Variants in MS4A7 observed in about 807,000 individuals in gnomAD.
MS4A7 encodes membrane-spanning 4-domains subfamily A member 7.
Under a neutral mutation model 23.5 loss-of-function variants are expected in MS4A7, and 21 were observed. The ratio of observed to expected loss-of-function variants is 0.89; its 90% CI spans 0.63 to 1.29. The LOEUF is 1.29. Among genes scored for constraint, MS4A7 ranks in the 50% most tolerant of loss-of-function variants. The pLI is 0.00. For missense variants in MS4A7, 263 were observed against 274.2 expected (o/e 0.96, Z 0.29); for synonymous variants, 111 against 107.4 (o/e 1.03, Z -0.21).
In MS4A7 at chr11:60,389,992, T is replaced by C. The variant is rs567420331; in HGVS notation, c.546+396T>C. The C allele has an allele frequency of 1.2e-5, 3 of 246,754 alleles. No individual in the cohort carries two copies. The South Asian group carries it at 1.6e-4, about 13-fold the overall frequency. 15.3% of individuals were successfully genotyped at this position (246,754 alleles called of 1,614,324 possible). On this transcript the variant is annotated intron_variant, in intron 5 of 6. Transcript: ENST00000300184. ...TTTAATTTGGGATTCTTTTGGGTTC[T>C]TTTCCAGGGGTTGGATGCCCCTACC...
At chr11:60,385,801 G>C (rs185443729) in intron 3 of MS4A7, among the ~76,000 whole-genome samples, 3 of 152,318 alleles carry the variant, frequency 2.0e-5, no homozygotes, top group African/African-American at 4.8e-5. Flanking sequence ...ATTTTTCAGA[G>C]AGTGGCCAGG....
Position 60,394,837 on chromosome 11 carries a change from G to T in MS4A7, c.*976G>T. The T allele has an allele frequency of 2.5e-6, 1 of 408,128 alleles. No homozygotes were observed. Among genetic ancestry groups the T allele is most frequent in the South Asian group, 7.3e-5 (1 of 13,694 alleles). 25.3% of individuals were successfully genotyped at this position (408,128 alleles called of 1,614,324 possible). A position where few individuals can be genotyped will look rare whatever the true frequency, so the allele number is the denominator to read the frequency against. On this transcript the variant is annotated 3_prime_UTR_variant, in exon 7 of 7. Coordinates refer to ENST00000300184, the MANE Select transcript of MS4A7 (RefSeq NM_021201.5). Reference sequence around the variant, plus strand: ...AAAAAAATAAATAAAAATAAAAATAGACTATATATAGTCTTTGAATTCATT... The same window carrying T: ...AAAAAAATAAATAAAAATAAAAATATACTATATATAGTCTTTGAATTCATT...
chr11:60,379,059 G>A (rs1590788276), intron 1 of MS4A7, among the ~76,000 whole-genome samples: 3 of 152,300 alleles, frequency 2.0e-5, no homozygotes, highest in East Asian at 1.9e-4. Context: ...TTCAAAGCAC[G>A]GATTTTAGAG....
At chr11:60,386,621 T>A in intron 3 of MS4A7, 96 bp from the exon 4 acceptor site, 2 of 1,030,216 alleles carry the variant, frequency 1.9e-6, no homozygotes, top group Non-Finnish European at 3.0e-6. Context: ...CCTAAAAGTT[T>A]TCCAACATCA....
In MS4A7 at chr11:60,394,977, A is replaced by T; in HGVS notation, c.*1116A>T. The T allele has an allele frequency of 1.5e-6, 1 of 664,268 alleles. No homozygotes were observed. The highest frequency in any genetic ancestry group is 2.8e-6 in the Non-Finnish European group (1 of 361,968). 41.1% of individuals were successfully genotyped at this position (664,268 alleles called of 1,614,324 possible). On this transcript the variant is annotated 3_prime_UTR_variant, in exon 7 of 7. Transcript: ENST00000300184. ...AGTCAATGAAGACATCTTAGTCTTA[A>T]CAAGTTACAGATAATCTCTGACTGG...
chr11:60,392,595 A>C, intron 5 of MS4A7, 90 bp from the exon 6 acceptor site: 1 of 892,462 alleles, frequency 1.1e-6, no homozygotes, highest in Admixed American at 2.2e-5. Flanking sequence ...TTTTCTCTGC[A>C]TTGCTGGAGC....
At chr11:60,393,302 T>C (rs2085573872) in intron 6 of MS4A7, among the ~76,000 whole-genome samples, 1 of 152,116 alleles carries the variant, frequency 6.6e-6, no homozygotes, top group South Asian at 2.1e-4. Context: ...TAAAATTACA[T>C]AGAAAATGAA....
intron 4 of MS4A7, among the ~76,000 whole-genome samples, chr11:60,387,292 T>A (rs1179006401): frequency 6.6e-6 from 1 of 152,188 alleles, no homozygotes; most frequent in Non-Finnish European, 1.5e-5. Context: ...AGAAAGCCTA[T>A]ATCCTGGGAA....
At position 60,389,580 on chromosome 11, in the gene MS4A7, C is replaced by G; in HGVS notation, c.530C>G (p.Thr177Ser). The G allele has an allele frequency of 6.2e-7, 1 of 1,613,574 alleles. No homozygotes were observed. The highest frequency in any genetic ancestry group is 8.5e-7 in the Non-Finnish European group (1 of 1,179,648). ...PIYEIKDCLL[T>S]SVSLTGVLVV... ...TATGAAATCAAAGATTGTCTCCTGACCAGTGTCAGTTTAACAGTGAGTAGT... is the reference window on the plus strand; with the variant it reads ...TATGAAATCAAAGATTGTCTCCTGAGCAGTGTCAGTTTAACAGTGAGTAGT... The change falls in exon 5 of 7, where the codon ACC (threonine) becomes AGC (serine). Residue 177 changes from threonine to serine, a missense_variant. By Grantham distance (58) the Thr-to-Ser change is moderately conservative. Coordinates refer to ENST00000300184, the MANE Select transcript of MS4A7 (RefSeq NM_021201.5).
chr11:60,389,426 G>C lies in MS4A7; in HGVS notation c.376G>C (p.Val126Leu), dbSNP rs774764572. The change falls in exon 5 of 7, where the codon GTT becomes CTT. Residue 126 changes from valine (V) to leucine (L), a missense_variant. By Grantham distance (32) the Val-to-Leu change is conservative. Coordinates refer to ENST00000300184, the MANE Select transcript of MS4A7 (RefSeq NM_021201.5). The stretch of plus-strand genomic sequence containing the variant: ...CTTGACCTCAAATGCAGTGAGTTCT[G>C]TTACTGCAGGAGCAGGCCTCTTCCT... Reference protein sequence around the residue: ...SSLTSNAVSSVTAGAGLFLLA... With the variant: ...SSLTSNAVSSLTAGAGLFLLA... The C allele has an allele frequency of 6.2e-6, 10 of 1,613,752 alleles. No homozygotes were observed. The highest frequency in any genetic ancestry group is 8.5e-6 in the Non-Finnish European group (10 of 1,179,804).
chr11:60,394,008 C>A lies in MS4A7; in HGVS notation c.*147C>A. 2.2e-6 allele frequency: 1 copy of A among 459,662 alleles called. No individual in the cohort carries two copies. The highest frequency in any genetic ancestry group is 3.8e-6 in the Non-Finnish European group (1 of 263,966). 28.5% of individuals were successfully genotyped at this position (459,662 alleles called of 1,614,324 possible). On this transcript the variant is annotated 3_prime_UTR_variant, in exon 7 of 7. Coordinates refer to ENST00000300184, the MANE Select transcript of MS4A7 (RefSeq NM_021201.5). The stretch of plus-strand genomic sequence containing the variant: ...TGTTTTGTATTTGTTTACTATGAGT[C>A]GTTATTTAATTTCTCTTGAAAATAA...
chr11:60,390,764 G>A (rs1277709690), intron 5 of MS4A7, among the ~76,000 whole-genome samples: 1 of 152,136 alleles, frequency 6.6e-6, no homozygotes, highest in Non-Finnish European at 1.5e-5. Context: ...CCTACAATAT[G>A]AGAGAAGTTG....
At chr11:60,392,639 G>A (rs774487525) in intron 5 of MS4A7, 46 bp from the exon 6 acceptor site, 10 of 1,488,842 alleles carry the variant, frequency 6.7e-6, no homozygotes, top group South Asian at 1.1e-5. Context: ...CCAGGCACAA[G>A]GGCTAGCTTG....
chr11:60,382,104 A>G (rs977675105), intron 1 of MS4A7, among the ~76,000 whole-genome samples: 9 of 152,212 alleles, frequency 5.9e-5, no homozygotes, highest in African/African-American at 2.2e-4. Flanking sequence ...TTGAGCTGAA[A>G]ACAAATCTGG....
intron 6 of MS4A7, 83 bp downstream of exon 6, chr11:60,392,869 G>A (rs1257631187): frequency 9.0e-6 from 9 of 997,188 alleles, no homozygotes; most frequent in Non-Finnish European, 9.3e-6. Flanking sequence ...GTGGCAAAAA[G>A]AAGAATCAAT....
At chr11:60,382,843 G>T (rs2085444794) in intron 1 of MS4A7, among the ~76,000 whole-genome samples, 1 of 152,160 alleles carries the variant, frequency 6.6e-6, no homozygotes, top group East Asian at 1.9e-4. Flanking sequence ...CACATTCAGG[G>T]CTACAAAGCA....
chr11:60,394,900 T>C lies in MS4A7; in HGVS notation c.*1039T>C, dbSNP rs1315549125. 2.7e-5 allele frequency: 15 copies of C among 556,032 alleles called. No individual in the cohort carries two copies. Among genetic ancestry groups the C allele is most frequent in the Non-Finnish European group, 4.8e-5 (15 of 311,784 alleles). The allele number at this position is 556,032 out of a possible 1,614,324, so 34.4% of individuals were successfully genotyped here. On this transcript the variant is annotated 3_prime_UTR_variant, in exon 7 of 7. Coordinates refer to ENST00000300184, the MANE Select transcript of MS4A7 (RefSeq NM_021201.5). ...ATGAATAAAATAAAATAAAAAAGAA[T>C]ATTCAGTCGTTGGCACATAAACTAT...
intron 2 of MS4A7, among the ~76,000 whole-genome samples, chr11:60,384,016 A>T (rs2085458552): frequency 6.6e-6 from 1 of 152,202 alleles, no homozygotes; most frequent in African/African-American, 2.4e-5. Flanking sequence ...ACTATAAGAC[A>T]TCCAAGTGTC....
At chr11:60,384,955 T>A (rs2085468053) in intron 2 of MS4A7, 133 bp from the exon 3 acceptor site, 1 of 780,054 alleles carries the variant, frequency 1.3e-6, no homozygotes, top group Non-Finnish European at 1.9e-6. Flanking sequence ...GATTGGCTCC[T>A]TGTAACATTT....
Sources: gnomAD v4.1 joint callset for allele counts (sites outside exome capture counted in the v4.1 genomes callset) on GRCh38, gnomAD v4.1.1 for gene constraint, MANE v1.5 for transcripts, NCBI Gene and HGNC (gene_info 2026-07-23, HGNC 2026-07-21) for gene names.